ADAMTS2: variants seen among roughly 807,000 people sequenced by gnomAD.
ADAMTS2 encodes the protein ADAM metallopeptidase with thrombospondin type 1 motif 2.
A neutral mutation model predicts 123.0 loss-of-function variants in ADAMTS2; 50 were observed. The ratio of observed to expected loss-of-function variants is 0.41; its 90% CI spans 0.32 to 0.51. The LOEUF is 0.51. Among genes scored for constraint, ADAMTS2 ranks in the 20% least tolerant of loss-of-function variants. The pLI, the probability that ADAMTS2 is intolerant of heterozygous loss-of-function variation, is 0.35. For missense variants in ADAMTS2, 1,494 were observed against 1,705.2 expected (o/e 0.88, Z 2.18); for synonymous variants, 678 against 695.4 (o/e 0.98, Z 0.39).
In ADAMTS2 at chr5:179,279,132, A is replaced by G. The variant is rs541581682; in HGVS notation, c.535-6068T>C. Among the ~76,000 whole-genome samples the G allele has an allele frequency of 7.2e-5, 11 of 152,050 alleles. 1 individual carries two copies. Among genetic ancestry groups the G allele is most frequent in the Admixed American group, 7.2e-4 (11 of 15,270 alleles). ...GCCATCAGCAGCCTCCCACCTGTGT[A>G]TGACTGGGACCTGGTCTGTCACTCA... On this transcript the variant is annotated intron_variant, in intron 2 of 21. Transcript: ENST00000251582.
At position 179,307,863 on chromosome 5, in the gene ADAMTS2, G is replaced by C. The variant is rs1293969023; in HGVS notation, c.535-34799C>G. On this transcript the variant is annotated intron_variant, in intron 2 of 21. Coordinates refer to ENST00000251582, the MANE Select transcript of ADAMTS2 (RefSeq NM_014244.5). The surrounding 1 kb of genome is among the most constrained non-coding windows in gnomAD (Gnocchi z 5.6). Reference sequence around the variant, plus strand: ...CCATCACACTCCACACTGCCATCCTGTCCTATTTTTTTGTAACACCATTTC... The same window carrying C: ...CCATCACACTCCACACTGCCATCCTCTCCTATTTTTTTGTAACACCATTTC... 2.6e-5 allele frequency among the ~76,000 whole-genome samples: 4 copies of C among 152,172 alleles called. No homozygotes were observed. Among genetic ancestry groups the C allele is most frequent in the Admixed American group, 2.6e-4 (4 of 15,282 alleles).
At position 179,189,683 on chromosome 5, in the gene ADAMTS2, C is replaced by T. The variant is rs922481887; in HGVS notation, c.892-8528G>A. 2.7e-5 allele frequency among the ~76,000 whole-genome samples: 4 copies of T among 150,522 alleles called. No homozygotes were observed. Among genetic ancestry groups the T allele is most frequent in the African/African-American group, 7.4e-5 (3 of 40,810 alleles). ...GGAGCAATTTTTTGTGGGCTGGGGA[C>T]GGATTTTACAAAGTACATTCTCAAG... On this transcript the variant is annotated intron_variant, in intron 4 of 21. Coordinates refer to ENST00000251582, the MANE Select transcript of ADAMTS2 (RefSeq NM_014244.5). The surrounding 1 kb of genome is among the most constrained non-coding windows in gnomAD (Gnocchi z 4.2).
Position 179,129,708 on chromosome 5 carries a change from C to A in ADAMTS2, c.2457+224G>T, listed in dbSNP as rs1488238718. 2.0e-5 allele frequency among the ~76,000 whole-genome samples: 3 copies of A among 152,204 alleles called. No homozygotes were observed. The highest frequency in any genetic ancestry group is 1.9e-4 in the East Asian group (1 of 5,182). On this transcript the variant is annotated intron_variant, in intron 16 of 21. Coordinates refer to ENST00000251582, the MANE Select transcript of ADAMTS2 (RefSeq NM_014244.5). The surrounding 1 kb of genome is among the most constrained non-coding windows in gnomAD (Gnocchi z 4.1). ...CCGAAACCCTCAAAGGGAGAGTGTG[C>A]CCAAGGTCACCTAGGGGTCATGTGG...
intron 5 of ADAMTS2, among the ~76,000 whole-genome samples, chr5:179,171,516 C>T (rs1442455436): frequency 6.7e-6 from 1 of 149,952 alleles, no homozygotes; most frequent in African/African-American, 2.4e-5. Flanking sequence ...CTCTCACAGC[C>T]CAGAACCCCC....
intron 4 of ADAMTS2, among the ~76,000 whole-genome samples, chr5:179,201,039 T>C (rs924507398): frequency 6.6e-6 from 1 of 152,152 alleles, no homozygotes; most frequent in Admixed American, 6.5e-5. Flanking sequence ...ATCAAGGAAA[T>C]AACAACTTAC....
rs573987883 is a variant in ADAMTS2 at position 179,242,249 on chromosome 5, G to C, written c.688+30662C>G. Among the ~76,000 whole-genome samples the C allele has an allele frequency of 6.6e-6, 1 of 152,194 alleles. No individual in the cohort carries two copies. The highest frequency in any genetic ancestry group is 1.5e-5 in the Non-Finnish European group (1 of 68,028). ...AGAGACGCTGAGCCTTGGCAGCCTC[G>C]TGTGGGCCAGCGGTGCCTGCTGTCT... On this transcript the variant is annotated intron_variant, in intron 3 of 21. Transcript: ENST00000251582. The surrounding 1 kb of genome is among the most constrained non-coding windows in gnomAD (Gnocchi z 4.2).
chr5:179,298,352 G>T (rs1561705204), intron 2 of ADAMTS2, among the ~76,000 whole-genome samples: 1 of 152,116 alleles, frequency 6.6e-6, no homozygotes. Flanking sequence ...TGAGGGTGGG[G>T]ACCCCGTTAA....
Position 179,129,018 on chromosome 5 carries a change from C to T in ADAMTS2, c.2458-900G>A, listed in dbSNP as rs927263074. ...CAGCGTGCTGAGTTGCTCCCACCTC[C>T]GCTGGGAACACGTGTGGCAGGCGAC... On this transcript the variant is annotated intron_variant, in intron 16 of 21. Coordinates refer to ENST00000251582, the MANE Select transcript of ADAMTS2 (RefSeq NM_014244.5). This position sits in a 1 kb window ranked among gnomAD's most constrained non-coding sequence, Gnocchi z 4.1. Among the ~76,000 whole-genome samples, 1 of 152,164 alleles carries T rather than the reference C, an allele frequency of 6.6e-6. No homozygotes were observed.
chr5:179,254,425 C>T (rs183970554), intron 3 of ADAMTS2, among the ~76,000 whole-genome samples: 1 of 152,140 alleles, frequency 6.6e-6, no homozygotes, highest in Non-Finnish European at 1.5e-5. Context: ...AGGGTTCCCA[C>T]TGGGGTGATG....
intron 2 of ADAMTS2, among the ~76,000 whole-genome samples, chr5:179,320,589 A>T (rs138469239): frequency 0.015 from 2,336 of 151,088 alleles, 65 homozygotes; most frequent in African/African-American, 0.054. Flanking sequence ...AAGTGCTGGG[A>T]TTACAGGCAT....
chr5:179,213,627 G>A (rs534728357), intron 3 of ADAMTS2, among the ~76,000 whole-genome samples: 1 of 152,308 alleles, frequency 6.6e-6, no homozygotes, highest in South Asian at 2.1e-4. Context: ...GAGAACAGGA[G>A]CAAAAGTGTG....
rs753921602 is a variant in ADAMTS2 at position 179,135,923 on chromosome 5, G to T, written c.2071C>A (p.Arg691Ser). 1 of 1,613,148 alleles carries T rather than the reference G, an allele frequency of 6.2e-7. No individual in the cohort carries two copies. Among genetic ancestry groups the T allele is most frequent in the Non-Finnish European group, 8.5e-7 (1 of 1,180,020 alleles). Reference sequence around the variant, plus strand: ...TGTGTACTCACCCTGCAGTCCCCGCGCACACAGAGGCTGAAGGCGTCCTTG... The same window carrying T: ...TGTGTACTCACCCTGCAGTCCCCGCTCACACAGAGGCTGAAGGCGTCCTTG... ...SYKDAFSLCV[R>S]GDCRKVGCDG... The change falls in exon 13 of 22, where the codon CGC (arginine) becomes AGC (serine). Residue 691 changes from arginine (R) to serine (S), a missense_variant. This residue lies in a region of ADAMTS2 where 953 missense variants were observed against 1,124.7 expected (regional missense o/e 0.85). Coordinates refer to ENST00000251582, the MANE Select transcript of ADAMTS2 (RefSeq NM_014244.5).
At chr5:179,253,699 T>C (rs1397553174) in intron 3 of ADAMTS2, among the ~76,000 whole-genome samples, 2 of 151,292 alleles carry the variant, frequency 1.3e-5, no homozygotes, top group Non-Finnish European at 1.5e-5. Context: ...ACCACTGTGC[T>C]GGCTGCCCCA....
rs1764138184 is a variant in ADAMTS2, at chr5:179,185,082, A to T, written c.892-3927T>A. Among the ~76,000 whole-genome samples the T allele has an allele frequency of 6.6e-6, 1 of 152,156 alleles. No individual in the cohort carries two copies. Among genetic ancestry groups the T allele is most frequent in the Non-Finnish European group, 1.5e-5 (1 of 68,022 alleles). On this transcript the variant is annotated intron_variant, in intron 4 of 21. Coordinates refer to ENST00000251582, the MANE Select transcript of ADAMTS2 (RefSeq NM_014244.5). This position sits in a 1 kb window ranked among gnomAD's most constrained non-coding sequence, Gnocchi z 5.9. Reference sequence around the variant, plus strand: ...GGAAGCAGCGAGGCACCTTCCAAGCACAGAGGGGATGTGGAAGGGATGCCC... The same window carrying T: ...GGAAGCAGCGAGGCACCTTCCAAGCTCAGAGGGGATGTGGAAGGGATGCCC...
At chr5:179,217,827 C>T (rs6877090) in intron 3 of ADAMTS2, among the ~76,000 whole-genome samples, 17,114 of 97,360 alleles carry the variant, frequency 0.18, 1,791 homozygotes, top group African/African-American at 0.28. Flanking sequence ...TAGGGGATGG[C>T]CTGAGGGCAG....
At chr5:179,343,045 C>A (rs1279069648) in intron 2 of ADAMTS2, among the ~76,000 whole-genome samples, 1 of 152,204 alleles carries the variant, frequency 6.6e-6, no homozygotes, top group African/African-American at 2.4e-5. Context: ...CAAATGCACC[C>A]CTCAGCTCAA....
chr5:179,327,489 A>G (rs1757346405), intron 2 of ADAMTS2, among the ~76,000 whole-genome samples: 1 of 152,170 alleles, frequency 6.6e-6, no homozygotes, highest in African/African-American at 2.4e-5. Context: ...CCCCAACCAC[A>G]GGGGACACCT....
In ADAMTS2 at chr5:179,225,225, C is replaced by T. The variant is rs1301260657; in HGVS notation, c.689-17510G>A. Among the ~76,000 whole-genome samples, 2 of 152,218 alleles carry T rather than the reference C, an allele frequency of 1.3e-5. No individual in the cohort carries two copies. Among genetic ancestry groups the T allele is most frequent in the Non-Finnish European group, 2.9e-5 (2 of 68,038 alleles). On this transcript the variant is annotated intron_variant, in intron 3 of 21. Transcript: ENST00000251582. This position sits in a 1 kb window ranked among gnomAD's most constrained non-coding sequence, Gnocchi z 4.5. ...GCCAAGGGCTCACCCACATCATGTG[C>T]GCTTCAGACAAAGGACTAATTTCCT...
At chr5:179,200,102 C>A (rs1348334468) in intron 4 of ADAMTS2, among the ~76,000 whole-genome samples, 1 of 152,134 alleles carries the variant, frequency 6.6e-6, no homozygotes, top group Non-Finnish European at 1.5e-5. Flanking sequence ...TTACTACTGG[C>A]TCTGCCTTTA....
Sources: gnomAD v4.1 joint callset for allele counts (sites outside exome capture counted in the v4.1 genomes callset) on GRCh38, gnomAD v4.1.1 for gene constraint, gnomAD v4.1.1 regional missense constraint, Gnocchi (gnomAD v3.1) non-coding constraint, MANE v1.5 for transcripts, NCBI Gene and HGNC (gene_info 2026-07-23, HGNC 2026-07-21) for gene names.